The following KLHL1 variants were observed in gnomAD, a reference collection of about 807,000 sequenced individuals.
KLHL1 encodes kelch like family member 1.
KLHL1 carries 47 observed loss-of-function variants against 77.7 expected under a neutral mutation model. The ratio of observed to expected loss-of-function variants is 0.60; its 90% CI spans 0.48 to 0.77. The LOEUF is 0.77. Ranked by LOEUF, KLHL1 falls within the 30% of genes least tolerant of loss-of-function variation. The pLI is 0.00. For synonymous variants in KLHL1, 360 were observed against 325.2 expected (o/e 1.11, Z -1.15); for missense variants, 925 against 910.8 (o/e 1.02, Z -0.20).
chr13:70,064,456 G>A (rs768230454), intron 1 of KLHL1, among the ~76,000 whole-genome samples: 7 of 152,140 alleles, frequency 4.6e-5, no homozygotes, highest in African/African-American at 1.7e-4. Flanking sequence ...AAATTCTGTA[G>A]TGTGTTTTAT....
chr13:70,008,901 ATAT>A (rs1174969925), intron 1 of KLHL1, among the ~76,000 whole-genome samples: 1 of 152,112 alleles, frequency 6.6e-6, no homozygotes, highest in East Asian at 1.9e-4. Context: ...AAATGGATCA[ATAT>A]TATTATAATT....
chr13:69,860,154 A>G (rs1880080690), intron 5 of KLHL1, among the ~76,000 whole-genome samples: 1 of 152,108 alleles, frequency 6.6e-6, no homozygotes, highest in South Asian at 2.1e-4. Context: ...TACACAAAAT[A>G]TATGTTAAGT....
chr13:70,038,047 T>C (rs1886281603), intron 1 of KLHL1, among the ~76,000 whole-genome samples: 1 of 152,204 alleles, frequency 6.6e-6, no homozygotes, highest in African/African-American at 2.4e-5. Flanking sequence ...ACTTACCTTT[T>C]CCCTGCAGGA....
At chr13:69,783,000 C>T (rs1167843466) in intron 7 of KLHL1, among the ~76,000 whole-genome samples, 1 of 152,210 alleles carries the variant, frequency 6.6e-6, no homozygotes, top group East Asian at 1.9e-4. Context: ...ATTTGCGGTT[C>T]ACCAAGATCT....
intron 1 of KLHL1, among the ~76,000 whole-genome samples, chr13:70,092,232 A>G (rs1887686839): frequency 6.6e-6 from 1 of 152,166 alleles, no homozygotes; most frequent in South Asian, 2.1e-4. Flanking sequence ...TTTTATAGTA[A>G]CTGGGTATGT....
At position 69,774,806 on chromosome 13, in the gene KLHL1, A is replaced by G. The variant is rs115666766; in HGVS notation, c.1639+21932T>C. On this transcript the variant is annotated intron_variant, in intron 7 of 10. Coordinates refer to ENST00000377844, the MANE Select transcript of KLHL1 (RefSeq NM_020866.3). ...GAGGAAATCATTGAACTGACTACCT[A>G]TGTGTTATCTTTTATTGTACAAGTC... is the stretch of plus-strand genomic sequence containing the variant. Among the ~76,000 whole-genome samples, 968 of 152,270 alleles carry G rather than the reference A, an allele frequency of 6.4e-3. 10 individuals are homozygous for G. Among genetic ancestry groups the G allele is most frequent in the African/African-American group, 0.021 (879 of 41,582 alleles).
intron 2 of KLHL1, among the ~76,000 whole-genome samples, chr13:69,974,607 G>A (rs925426313): frequency 6.6e-6 from 1 of 151,854 alleles, no homozygotes; most frequent in Non-Finnish European, 1.5e-5. Context: ...CATTTGATGT[G>A]TTAATATATT....
At chr13:69,758,969 TC>T (rs367857665) in intron 7 of KLHL1, among the ~76,000 whole-genome samples, 154 of 152,070 alleles carry the variant, frequency 1.0e-3, no homozygotes, top group African/African-American at 3.6e-3. Context: ...TCCCTAATGT[TC>T]CCCCCAGGGT....
At chr13:69,953,906 T>C (rs941043430) in intron 3 of KLHL1, among the ~76,000 whole-genome samples, 2 of 151,280 alleles carry the variant, frequency 1.3e-5, no homozygotes, top group African/African-American at 2.4e-5. Context: ...ATCATCATAA[T>C]TGAGTGTTTG....
At chr13:70,059,676 G>A (rs1886829951) in intron 1 of KLHL1, among the ~76,000 whole-genome samples, 1 of 152,160 alleles carries the variant, frequency 6.6e-6, no homozygotes, top group Non-Finnish European at 1.5e-5. Context: ...ACCTAAGACT[G>A]AGTAACCTGT....
At chr13:70,031,408 A>G (rs1468024062) in intron 1 of KLHL1, among the ~76,000 whole-genome samples, 3 of 152,196 alleles carry the variant, frequency 2.0e-5, no homozygotes, top group Non-Finnish European at 4.4e-5. Flanking sequence ...AAAAAAAATA[A>G]TGTTTATAAA....
chr13:69,872,867 G>A lies in KLHL1; in HGVS notation c.1227+9416C>T, dbSNP rs141600105. On this transcript the variant is annotated intron_variant, in intron 5 of 10. Coordinates refer to ENST00000377844, the MANE Select transcript of KLHL1 (RefSeq NM_020866.3). ...GGGACAGCACCAGCCATTCATGAGG[G>A]ATCCTCCCCAATGACACAAACATCT... is the stretch of plus-strand genomic sequence containing the variant. Among the ~76,000 whole-genome samples, 67 of 152,228 alleles carry A rather than the reference G, an allele frequency of 4.4e-4. 2 individuals carry two copies. Among genetic ancestry groups the A allele is most frequent in the South Asian group, 1.0e-3 (5 of 4,828 alleles).
chr13:69,945,116 G>A (rs1323564066), intron 3 of KLHL1, among the ~76,000 whole-genome samples: 2 of 149,740 alleles, frequency 1.3e-5, no homozygotes, highest in Non-Finnish European at 3.0e-5. Context: ...CTCCCAGGTA[G>A]CTGGGATTAC....
Position 70,017,509 on chromosome 13 carries a change from C to T in KLHL1, c.498-41707G>A, listed in dbSNP as rs371549671. ...AGTGTGCCTAGCTCTGATCAGTGGC[C>T]GGACCCAACAGTCACTCATCCACAC... is the stretch of plus-strand genomic sequence containing the variant. On this transcript the variant is annotated intron_variant, in intron 1 of 10. Transcript: ENST00000377844. Among the ~76,000 whole-genome samples the T allele has an allele frequency of 4.6e-5, 7 of 152,328 alleles. No homozygotes were observed. In the East Asian group the frequency reaches 7.7e-4, roughly 17 times the overall value.
chr13:69,996,734 C>T (rs971981892), intron 1 of KLHL1, among the ~76,000 whole-genome samples: 20 of 151,662 alleles, frequency 1.3e-4, no homozygotes, highest in African/African-American at 2.7e-4. Context: ...TGTGATATTG[C>T]GATTATTAAA....
intron 7 of KLHL1, among the ~76,000 whole-genome samples, chr13:69,743,486 T>C (rs1874068582): frequency 6.6e-6 from 1 of 152,078 alleles, no homozygotes; most frequent in East Asian, 1.9e-4. Context: ...GGTATATGAA[T>C]AGAAAGAACA....
intron 1 of KLHL1, among the ~76,000 whole-genome samples, chr13:70,020,664 A>C (rs9542162): frequency 0.75 from 113,197 of 151,774 alleles, 42,298 homozygotes; most frequent in East Asian, 0.85. Context: ...ACCCAGGTAC[A>C]TAAAGGCAGT....
chr13:70,104,681 T>C (rs900297148), intron 1 of KLHL1, among the ~76,000 whole-genome samples: 3 of 152,142 alleles, frequency 2.0e-5, no homozygotes, highest in Admixed American at 1.3e-4. Flanking sequence ...GACATCATTG[T>C]TTGGTGATAT....
intron 1 of KLHL1, among the ~76,000 whole-genome samples, chr13:69,983,589 A>AAAAAG (rs1216543322): frequency 7.6e-6 from 1 of 132,166 alleles, no homozygotes; most frequent in African/African-American, 3.7e-5. Context: ...AAAAAAAAAA[A>AAAAAG]AAGAAGAAGA....
Sources: allele counts gnomAD v4.1 joint callset (sites outside exome capture counted in the v4.1 genomes callset), GRCh38; gene constraint gnomAD v4.1.1; transcripts MANE v1.5; gene names NCBI Gene and HGNC (gene_info 2026-07-23, HGNC 2026-07-21).